TNR: variants seen among roughly 807,000 people sequenced by gnomAD.
TNR encodes the protein tenascin R.
TNR carries 45 observed loss-of-function variants against 150.4 expected under a neutral mutation model. The ratio of observed to expected loss-of-function variants is 0.30; its 90% confidence interval spans 0.24 to 0.38. TNR has a LOEUF of 0.38. Among genes scored for constraint, TNR ranks in the 10% least tolerant of loss-of-function variants. The probability of loss-of-function intolerance (pLI) is 1.00; values close to 1 mark genes in which losing one functional copy is unlikely to be tolerated. For synonymous variants in TNR, 687 were observed against 678.4 expected, an observed-to-expected ratio of 1.01 and a Z score of -0.20; for missense variants, 1,544 against 1,759.1, an observed-to-expected ratio of 0.88 and a Z score of 2.19.
intron 1 of TNR, among the ~76,000 whole-genome samples, chr1:175,537,900 C>T (rs1448777388): frequency 1.3e-5 from 2 of 152,174 alleles, no homozygotes; most frequent in Non-Finnish European, 2.9e-5. Context: ...GGGGCGGTTC[C>T]AGTCAAACAG....
intron 1 of TNR, among the ~76,000 whole-genome samples, chr1:175,573,741 G>A (rs894699078): frequency 3.3e-5 from 5 of 152,126 alleles, no homozygotes; most frequent in Non-Finnish European, 7.3e-5. Context: ...GTGGGCGTGG[G>A]AGTTGATGCA....
At chr1:175,558,945 G>A (rs1463457561) in intron 1 of TNR, among the ~76,000 whole-genome samples, 2 of 152,112 alleles carry the variant, frequency 1.3e-5, no homozygotes, top group African/African-American at 4.8e-5. Context: ...GTCAATTTAG[G>A]TTCATCAATT....
At chr1:175,331,552 T>C (rs1649936275) in intron 20 of TNR, among the ~76,000 whole-genome samples, 1 of 152,198 alleles carries the variant, frequency 6.6e-6, no homozygotes, top group Admixed American at 6.5e-5. Context: ...CGTGAGCCAC[T>C]GTGCCTGGCC....
rs757969152 is a variant in TNR at position 175,366,065 on chromosome 1, G to C, written c.2127C>G (p.Ala709=). The part of the protein sequence containing the change: ...ETSISLIWTK[A]SGPIDHYRIT... ...TTCGGTAGTGGTCAATGGGGCCACT[G>C]GCCTTGGTCCAGATGAGGGAGATGG... Residue 709 remains alanine (A), a synonymous_variant, in exon 11 of 23, where the codon GCC becomes GCG. Transcript: ENST00000367674. 6.2e-7 allele frequency: 1 copy of C among 1,614,098 alleles called. No homozygotes were observed. The highest frequency in any genetic ancestry group is 8.5e-7 in the Non-Finnish European group (1 of 1,179,974).
intron 1 of TNR, among the ~76,000 whole-genome samples, chr1:175,563,082 G>A (rs751081533): frequency 1.3e-5 from 2 of 152,180 alleles, no homozygotes; most frequent in Non-Finnish European, 2.9e-5. Flanking sequence ...TCTCTTGGGT[G>A]CCCACAAATT....
At chr1:175,565,093 A>G (rs1411714379) in intron 1 of TNR, among the ~76,000 whole-genome samples, 1 of 152,266 alleles carries the variant, frequency 6.6e-6, no homozygotes, top group Non-Finnish European at 1.5e-5. Flanking sequence ...TAAATGGTTC[A>G]GCCCATAAAG....
At chr1:175,514,981 A>T (rs1429686205) in intron 2 of TNR, among the ~76,000 whole-genome samples, 1 of 152,124 alleles carries the variant, frequency 6.6e-6, no homozygotes, top group Admixed American at 6.5e-5. Flanking sequence ...AAAGAGTGGG[A>T]GGATAAAGAA....
At chr1:175,416,062 A>C (rs1571408406) in intron 2 of TNR, among the ~76,000 whole-genome samples, 1 of 152,270 alleles carries the variant, frequency 6.6e-6, no homozygotes, top group Non-Finnish European at 1.5e-5. Flanking sequence ...GTGAGAATTT[A>C]TTTGATTTTT....
intron 2 of TNR, among the ~76,000 whole-genome samples, chr1:175,446,937 G>A (rs1656078793): frequency 6.6e-6 from 1 of 152,130 alleles, no homozygotes; most frequent in African/African-American, 2.4e-5. Flanking sequence ...GTATGCATGT[G>A]TGTTATATGT....
chr1:175,501,060 T>A (rs539539560), intron 2 of TNR, among the ~76,000 whole-genome samples: 23 of 152,296 alleles, frequency 1.5e-4, no homozygotes, highest in Admixed American at 8.5e-4. Flanking sequence ...TGGGAGATCA[T>A]GCCCATCATT....
At chr1:175,671,934 T>A (rs1665712832) in intron 1 of TNR, among the ~76,000 whole-genome samples, 1 of 151,678 alleles carries the variant, frequency 6.6e-6, no homozygotes, top group Non-Finnish European at 1.5e-5. Flanking sequence ...TGTGTGTGTG[T>A]GTGTGTGTGT....
At chr1:175,459,831 T>A (rs772112077) in intron 2 of TNR, among the ~76,000 whole-genome samples, 2 of 151,744 alleles carry the variant, frequency 1.3e-5, no homozygotes, top group Non-Finnish European at 2.9e-5. Context: ...GGAAAGATTC[T>A]ATAAATGGTT....
Position 175,315,307 on chromosome 1 carries a change from G to T in TNR, c.*8050C>A, listed in dbSNP as rs1648803779. 6.6e-6 allele frequency: 1 copy of T among 152,224 alleles called. No individual in the cohort carries two copies. The highest frequency in any genetic ancestry group is 1.5e-5 in the Non-Finnish European group (1 of 68,048). 9.4% of individuals were successfully genotyped at this position (152,224 alleles called of 1,614,324 possible). A position where few individuals can be genotyped will look rare whatever the true frequency, so the allele number is the denominator to read the frequency against. Reference sequence around the variant, plus strand: ...TAGTTAACAATGGTTAACAAGCAGAGATTCCAGTCTTTGAGCTACAGTGCC... The same window carrying T: ...TAGTTAACAATGGTTAACAAGCAGATATTCCAGTCTTTGAGCTACAGTGCC... On this transcript the variant is annotated 3_prime_UTR_variant, in exon 23 of 23. Transcript: ENST00000367674.
chr1:175,689,473 G>A (rs1337944685), intron 1 of TNR, among the ~76,000 whole-genome samples: 2 of 152,168 alleles, frequency 1.3e-5, no homozygotes, highest in Non-Finnish European at 2.9e-5. Flanking sequence ...CTGGGAGCAG[G>A]GCTATTTGCA....
intron 1 of TNR, among the ~76,000 whole-genome samples, chr1:175,583,674 A>G (rs1288568889): frequency 6.6e-6 from 1 of 152,192 alleles, no homozygotes; most frequent in Admixed American, 6.5e-5. Flanking sequence ...AGGCAAAAGG[A>G]TGGCTTAGAT....
chr1:175,564,913 C>T (rs1661581249), intron 1 of TNR, among the ~76,000 whole-genome samples: 1 of 152,176 alleles, frequency 6.6e-6, no homozygotes, highest in African/African-American at 2.4e-5. Context: ...GCACCCTTGC[C>T]CTTTCCTTCA....
intron 14 of TNR, among the ~76,000 whole-genome samples, chr1:175,362,460 T>G (rs1651642924): frequency 1.3e-5 from 2 of 152,164 alleles, no homozygotes. Context: ...CAGCAAGACT[T>G]CTAGAGGGTG....
intron 4 of TNR, among the ~76,000 whole-genome samples, chr1:175,397,821 G>A (rs146449688): frequency 6.6e-5 from 10 of 152,266 alleles, no homozygotes; most frequent in South Asian, 2.1e-4. Context: ...TTTGTGTATC[G>A]TCTTGGAAAA....
intron 1 of TNR, among the ~76,000 whole-genome samples, chr1:175,699,259 G>T (rs996370509): frequency 4.6e-5 from 7 of 152,186 alleles, no homozygotes; most frequent in Admixed American, 1.3e-4. Context: ...TGGTGAAAGG[G>T]AGAGGAGTTG....
Sources: allele counts gnomAD v4.1 joint callset (sites outside exome capture counted in the v4.1 genomes callset), GRCh38; gene constraint gnomAD v4.1.1; transcripts MANE v1.5; gene names NCBI Gene and HGNC (gene_info 2026-07-23, HGNC 2026-07-21).